KLRG1: variants seen among roughly 807,000 people sequenced by gnomAD.
KLRG1 encodes the protein killer cell lectin-like receptor subfamily G member 1.
KLRG1 carries 16 observed loss-of-function variants against 21.8 expected under a neutral mutation model. That is an observed-to-expected ratio of 0.73 (90% CI 0.50 to 1.11). The LOEUF (loss-of-function observed/expected upper bound fraction) is 1.11. KLRG1 is among the 50% of genes most tolerant of loss of function. The probability of loss-of-function intolerance (pLI) is 0.00; values close to 1 mark genes in which losing one functional copy is unlikely to be tolerated. For synonymous variants in KLRG1, 69 were observed against 75.9 expected (o/e 0.91, Z 0.47); for missense variants, 173 against 218.3 (o/e 0.79, Z 1.31).
intron 1 of KLRG1, among the ~76,000 whole-genome samples, chr12:8,981,473 A>G (rs1293677497): frequency 6.6e-6 from 1 of 151,988 alleles, no homozygotes; most frequent in Non-Finnish European, 1.5e-5. Context: ...TTAATTTAAA[A>G]TATTTTAACG....
chr12:9,048,726 C>T, the KLRG1 span, among the ~76,000 whole-genome samples: 4 of 152,130 alleles, frequency 2.6e-5, no homozygotes, highest in Non-Finnish European at 4.4e-5. Flanking sequence ...CTACAGCTAA[C>T]GTTATAATTA....
chr12:9,203,683 G>T, the KLRG1 span: 4 of 1,474,788 alleles, frequency 2.7e-6, no homozygotes, highest in African/African-American at 1.4e-5. Context: ...CCTTGGGATC[G>T]CACACCAGAG....
chr12:9,163,685 TG>T, the KLRG1 span: 1 of 1,613,862 alleles, frequency 6.2e-7, no homozygotes, highest in Non-Finnish European at 8.5e-7. Flanking sequence ...AACAGGGTTT[TG>T]ATGACTGTGT....
chr12:9,089,402 G>A, the KLRG1 span, among the ~76,000 whole-genome samples: 1 of 152,190 alleles, frequency 6.6e-6, no homozygotes, highest in African/African-American at 2.4e-5. Flanking sequence ...ATATACGTAG[G>A]AGGTAGTTCG....
the KLRG1 span, chr12:9,027,564 C>G: frequency 4.0e-6 from 4 of 1,000,438 alleles, no homozygotes; most frequent in South Asian, 3.8e-5. Context: ...GCTGCTGCTA[C>G]TAGAACCACC....
At chr12:9,001,064 T>C (rs911592294) in intron 3 of KLRG1, among the ~76,000 whole-genome samples, 11 of 152,222 alleles carry the variant, frequency 7.2e-5, no homozygotes, top group African/African-American at 2.7e-4. Context: ...TTATAGGATA[T>C]CTGAAAAGTC....
the KLRG1 span, among the ~76,000 whole-genome samples, chr12:9,146,952 T>TA: frequency 2.0e-4 from 31 of 152,158 alleles, no homozygotes; most frequent in South Asian, 5.4e-3. Flanking sequence ...AGCTGGGATT[T>TA]AAAAAAATCC....
At chr12:9,124,155 A>T in the KLRG1 span, among the ~76,000 whole-genome samples, 1 of 152,210 alleles carries the variant, frequency 6.6e-6, no homozygotes, top group African/African-American at 2.4e-5. Context: ...ATGTGATGTT[A>T]CCTTAGGATC....
Position 8,995,218 on chromosome 12 carries a change from G to A in KLRG1, c.287G>A (p.Trp96Ter). The A allele has an allele frequency of 6.2e-7, 1 of 1,613,730 alleles. No individual in the cohort carries two copies. The highest frequency in any genetic ancestry group is 1.3e-5 in the African/African-American group (1 of 74,998). The change falls in exon 3 of 5, where the codon TGG (tryptophan) becomes TAG (stop). Residue 96 changes from tryptophan (W) to a stop codon, truncating the protein, a stop_gained. Transcript: ENST00000356986. LOFTEE classifies it high-confidence loss of function. The stretch of plus-strand genomic sequence containing the variant: ...TATTTCTCAGTGGAGGAAAAGGACT[G>A]GAATTCTAGTCTGGAATTCTGCCTA... ...CYYFSVEEKD[W>*]NSSLEFCLAR...
chr12:9,162,550 C>T, the KLRG1 span: 1 of 1,334,492 alleles, frequency 7.5e-7, no homozygotes, highest in Non-Finnish European at 1.1e-6. Flanking sequence ...AGGTTTATAC[C>T]CCTTTGTGGT....
chr12:9,028,015 C>T, the KLRG1 span: 32 of 1,194,902 alleles, frequency 2.7e-5, no homozygotes, highest in Non-Finnish European at 3.4e-5. Context: ...GTCTTATCCA[C>T]GGAGTCATGG....
chr12:9,021,352 CTTGT>C, the KLRG1 span, among the ~76,000 whole-genome samples: 14 of 151,540 alleles, frequency 9.2e-5, no homozygotes, highest in African/African-American at 3.4e-4. Flanking sequence ...CTTACTGTAA[CTTGT>C]TTACTTTATA....
At chr12:9,144,157 A>G in the KLRG1 span, among the ~76,000 whole-genome samples, 48 of 152,124 alleles carry the variant, frequency 3.2e-4, 1 homozygote, top group Admixed American at 1.3e-4. Flanking sequence ...AACCAGAGCC[A>G]CATGAGGAAG....
chr12:9,089,657 C>G, the KLRG1 span, among the ~76,000 whole-genome samples: 1 of 152,092 alleles, frequency 6.6e-6, no homozygotes, highest in African/African-American at 2.4e-5. Flanking sequence ...ACGAGAATTG[C>G]TTGAACCCAG....
chr12:9,202,484 C>G, the KLRG1 span: 2 of 1,613,162 alleles, frequency 1.2e-6, no homozygotes, highest in Non-Finnish European at 1.7e-6. Flanking sequence ...TCAGGTGGCC[C>G]TTCTCAGTGT....
chr12:8,998,927 C>T (rs1947224645), intron 3 of KLRG1, among the ~76,000 whole-genome samples: 2 of 152,110 alleles, frequency 1.3e-5, no homozygotes, highest in Non-Finnish European at 2.9e-5. Context: ...CACTATGTTG[C>T]CCAGGCTGGT....
the KLRG1 span, among the ~76,000 whole-genome samples, chr12:9,024,146 T>G: frequency 0.33 from 48,511 of 149,128 alleles, 7,806 homozygotes; most frequent in Admixed American, 0.38. Flanking sequence ...TCCTGCCTTA[T>G]CCTCCTGAGT....
the KLRG1 span, among the ~76,000 whole-genome samples, chr12:9,207,764 T>C: frequency 6.6e-6 from 1 of 152,146 alleles, no homozygotes; most frequent in Non-Finnish European, 1.5e-5. Flanking sequence ...GGAAAAGAAG[T>C]CTTACAATTA....
the KLRG1 span, among the ~76,000 whole-genome samples, chr12:9,149,299 A>G: frequency 1.3e-5 from 2 of 152,252 alleles, no homozygotes; most frequent in South Asian, 4.1e-4. Flanking sequence ...AAGCCCAATT[A>G]GCTGTGAAGT....
Sources: gnomAD v4.1 joint callset for allele counts (sites outside exome capture counted in the v4.1 genomes callset) on GRCh38, gnomAD v4.1.1 for gene constraint, MANE v1.5 for transcripts, NCBI Gene and HGNC (gene_info 2026-07-23, HGNC 2026-07-21) for gene names.